RNF169: variants seen among roughly 807,000 people sequenced by gnomAD.
The protein encoded by RNF169 is ring finger protein 169, also known as E3 ubiquitin-protein ligase RNF169.
In RNF169, 24 loss-of-function variants were observed where a neutral mutation model predicts 53.9. The observed-to-expected ratio is 0.45, with a 90% CI of 0.32 to 0.63. The LOEUF (loss-of-function observed/expected upper bound fraction) is 0.63. Ranked by LOEUF, RNF169 falls within the 20% of genes least tolerant of loss-of-function variation. The pLI is 0.04. For missense variants in RNF169, 883 were observed against 906.2 expected, an observed-to-expected ratio of 0.97 and a Z score of 0.33; for synonymous variants, 396 against 363.5, an observed-to-expected ratio of 1.09 and a Z score of -1.02.
In RNF169 at chr11:74,792,561, C is replaced by G. The variant is rs573609389; in HGVS notation, c.576+2862C>G. Among the ~76,000 whole-genome samples the G allele has an allele frequency of 2.6e-5, 4 of 152,216 alleles. No individual in the cohort carries two copies. The South Asian group carries it at 8.3e-4, about 32-fold the overall frequency. ...GGACTACAGGCGTGTGCCACCATGC[C>G]CAGCTAAATTTTGTATTTGTGAGTA... On this transcript the variant is annotated intron_variant, in intron 2 of 5. Transcript: ENST00000299563.
At chr11:74,799,573 T>C (rs1170760875) in intron 2 of RNF169, among the ~76,000 whole-genome samples, 1 of 152,134 alleles carries the variant, frequency 6.6e-6, no homozygotes, top group Non-Finnish European at 1.5e-5. Context: ...GGTTACTATA[T>C]TAGTATAATT....
intron 2 of RNF169, among the ~76,000 whole-genome samples, chr11:74,792,625 A>G (rs531140519): frequency 1.3e-5 from 2 of 152,054 alleles, no homozygotes; most frequent in Non-Finnish European, 2.9e-5. Flanking sequence ...CTGGTCTCGA[A>G]CTCCTGACTT....
At chr11:74,764,449 C>G (rs2035141088) in intron 1 of RNF169, among the ~76,000 whole-genome samples, 1 of 152,152 alleles carries the variant, frequency 6.6e-6, no homozygotes, top group African/African-American at 2.4e-5. Context: ...TCGCTGAACC[C>G]AGGAGGCGGT....
intron 1 of RNF169, among the ~76,000 whole-genome samples, chr11:74,772,808 G>A (rs893846864): frequency 1.7e-4 from 26 of 152,148 alleles, no homozygotes; most frequent in Non-Finnish European, 5.9e-5. Flanking sequence ...ATAGATACTA[G>A]CATAATGAAC....
intron 2 of RNF169, among the ~76,000 whole-genome samples, chr11:74,805,114 C>A (rs1480165746): frequency 6.6e-6 from 1 of 152,128 alleles, no homozygotes; most frequent in African/African-American, 2.4e-5. Context: ...TCAAAATAGC[C>A]CAGAACTAAA....
chr11:74,779,678 A>T (rs1254622419), intron 1 of RNF169, among the ~76,000 whole-genome samples: 1 of 152,164 alleles, frequency 6.6e-6, no homozygotes, highest in African/African-American at 2.4e-5. Flanking sequence ...TCTCAAAAAA[A>T]AGTTATTTAC....
At chr11:74,763,503 AACAC>A (rs901294083) in intron 1 of RNF169, among the ~76,000 whole-genome samples, 7 of 152,220 alleles carry the variant, frequency 4.6e-5, no homozygotes, top group African/African-American at 1.4e-4. Context: ...AGCATTATGA[AACAC>A]ACACATTTGA....
intron 1 of RNF169, among the ~76,000 whole-genome samples, chr11:74,782,743 T>A (rs2035434198): frequency 6.6e-6 from 1 of 152,160 alleles, no homozygotes; most frequent in African/African-American, 2.4e-5. Context: ...AACATATTAG[T>A]ATAACTATAT....
chr11:74,769,028 C>G (rs1033981398), intron 1 of RNF169, among the ~76,000 whole-genome samples: 2 of 151,888 alleles, frequency 1.3e-5, no homozygotes, highest in African/African-American at 4.8e-5. Flanking sequence ...GAGACCCTGC[C>G]TCAAAAGAAA....
chr11:74,799,061 GAAA>G (rs528246759), intron 2 of RNF169, among the ~76,000 whole-genome samples: 4 of 82,624 alleles, frequency 4.8e-5, no homozygotes, highest in Non-Finnish European at 4.8e-5. Context: ...CTCAAAAAAA[GAAA>G]AAAAAAAAAA....
At chr11:74,810,104 C>T in intron 2 of RNF169, 80 bp from the exon 3 acceptor site, 1 of 1,268,906 alleles carries the variant, frequency 7.9e-7, no homozygotes, top group Non-Finnish European at 1.1e-6. Context: ...TCTGTTTGTT[C>T]TAATAAACTA....
At chr11:74,833,099 ACTATGTGGC>A (rs1479105077) in intron 4 of RNF169, among the ~76,000 whole-genome samples, 4 of 152,176 alleles carry the variant, frequency 2.6e-5, no homozygotes, top group Non-Finnish European at 4.4e-5. Context: ...TCCTATTAAC[ACTATGTGGC>A]CATAAGATAT....
At chr11:74,828,167 C>G (rs1395584545) in intron 4 of RNF169, among the ~76,000 whole-genome samples, 1 of 152,180 alleles carries the variant, frequency 6.6e-6, no homozygotes, top group Non-Finnish European at 1.5e-5. Context: ...ACAAAAATCA[C>G]TAGCATTCCT....
intron 1 of RNF169, among the ~76,000 whole-genome samples, chr11:74,758,538 G>A (rs1317309488): frequency 6.7e-6 from 1 of 150,340 alleles, no homozygotes; most frequent in Non-Finnish European, 1.5e-5. Context: ...GTCTCGCTCT[G>A]TCACCCAGGC....
intron 1 of RNF169, among the ~76,000 whole-genome samples, chr11:74,781,692 A>T (rs956156606): frequency 2.6e-5 from 4 of 152,240 alleles, no homozygotes; most frequent in African/African-American, 9.6e-5. Context: ...TGAACTGCCT[A>T]TGCATGTCCT....
At chr11:74,749,458 A>G (rs1345726434) in intron 1 of RNF169, 76 bp downstream of exon 1, 1 of 1,143,354 alleles carries the variant, frequency 8.7e-7, no homozygotes, top group Non-Finnish European at 1.1e-6. Flanking sequence ...GAGGGGGTGG[A>G]GAGTCCCGGG....
chr11:74,773,977 G>A (rs1038794183), intron 1 of RNF169, among the ~76,000 whole-genome samples: 15 of 152,228 alleles, frequency 9.9e-5, no homozygotes, highest in African/African-American at 3.6e-4. Flanking sequence ...CCACATATTT[G>A]TGCCAAGCAC....
intron 1 of RNF169, among the ~76,000 whole-genome samples, chr11:74,757,960 C>G (rs1433556513): frequency 1.3e-5 from 1 of 79,010 alleles, no homozygotes; most frequent in Non-Finnish European, 2.1e-5. Flanking sequence ...CCTGTTCACT[C>G]TGATGGTAGT....
chr11:74,749,516 C>G, intron 1 of RNF169, 134 bp downstream of exon 1: 1 of 747,156 alleles, frequency 1.3e-6, no homozygotes, highest in Non-Finnish European at 1.7e-6. Context: ...AGAACCCGGG[C>G]TCTACCCAGG....
Sources: allele counts gnomAD v4.1 joint callset (sites outside exome capture counted in the v4.1 genomes callset), GRCh38; gene constraint gnomAD v4.1.1; transcripts MANE v1.5; gene names NCBI Gene and HGNC (gene_info 2026-07-23, HGNC 2026-07-21).